Variants in CFAP43 observed in about 807,000 individuals in gnomAD.
The protein encoded by CFAP43 is cilia- and flagella-associated protein 43.
A neutral mutation model predicts 218.9 loss-of-function variants in CFAP43; 155 were observed. That is an observed-to-expected ratio of 0.71 (90% confidence interval 0.62 to 0.81). CFAP43 has a LOEUF of 0.81. Ranked by LOEUF, CFAP43 falls within the 30% of genes least tolerant of loss-of-function variation. The probability of loss-of-function intolerance (pLI) is 0.00; values close to 1 mark genes in which losing one functional copy is unlikely to be tolerated. For synonymous variants in CFAP43, 645 were observed against 681.3 expected, an observed-to-expected ratio of 0.95 and a Z score of 0.83; for missense variants, 1,778 against 1,954.3, an observed-to-expected ratio of 0.91 and a Z score of 1.70.
chr10:104,217,148 CCT>C (rs1211408674), intron 3 of CFAP43, among the ~76,000 whole-genome samples: 1 of 152,186 alleles, frequency 6.6e-6, no homozygotes, highest in Non-Finnish European at 1.5e-5. Flanking sequence ...TCCATTTCTC[CCT>C]CTGAGTAACA....
At position 104,206,013 on chromosome 10, in the gene CFAP43, T is replaced by C; in HGVS notation, c.913A>G (p.Ser305Gly). Residue 305 changes from serine to glycine, a missense_variant, in exon 7 of 38, where the codon AGT becomes GGT. By Grantham distance (56) the Ser-to-Gly change is moderately conservative (BLOSUM62 0). Transcript: ENST00000357060. ...ESPLDRRNFI[S>G]PVTLVYQKEG... ...TTCTGATATACCAAGGTTACTGGAC[T>C]GATAAAATTTCTTCTGTCTTCTGGA... 1 of 1,607,972 alleles carries C rather than the reference T, an allele frequency of 6.2e-7. No homozygotes were observed. Among genetic ancestry groups the C allele is most frequent in the Non-Finnish European group, 8.5e-7 (1 of 1,178,746 alleles).
chr10:104,146,189 C>T, intron 30 of CFAP43, 74 bp downstream of exon 30: 1 of 1,171,996 alleles, frequency 8.5e-7, no homozygotes, highest in Non-Finnish European at 1.3e-6. Context: ...ATATTATATC[C>T]CCTTTAACCT....
intron 23 of CFAP43, among the ~76,000 whole-genome samples, chr10:104,164,556 C>A (rs1443638950): frequency 5.3e-5 from 8 of 152,234 alleles, no homozygotes; most frequent in Non-Finnish European, 1.0e-4. Context: ...CGCTACCACG[C>A]CCGGCTAATT....
At chr10:104,173,488 A>G (rs1208511225) in intron 19 of CFAP43, among the ~76,000 whole-genome samples, 1 of 151,812 alleles carries the variant, frequency 6.6e-6, no homozygotes, top group Non-Finnish European at 1.5e-5. Flanking sequence ...GTGCTGCATC[A>G]GAAACAGACA....
intron 3 of CFAP43, among the ~76,000 whole-genome samples, chr10:104,216,918 C>T (rs561413174): frequency 6.6e-6 from 1 of 152,312 alleles, no homozygotes; most frequent in South Asian, 2.1e-4. Flanking sequence ...TAGTGTCCTT[C>T]CTCCTTTCAT....
chr10:104,148,005 A>T lies in CFAP43; in HGVS notation c.3661-7T>A. The stretch of plus-strand genomic sequence containing the variant: ...TACTTATTTTCAGTTCCTCCTGTAG[A>T]AATATTTAAGAAAAAGGTTGGTGGA... On this transcript the variant is annotated splice_polypyrimidine_tract_variant and splice_region_variant and intron_variant, in intron 28 of 37. Transcript: ENST00000357060. 1 of 1,549,244 alleles carries T rather than the reference A, an allele frequency of 6.5e-7. No individual in the cohort carries two copies. Among genetic ancestry groups the T allele is most frequent in the Non-Finnish European group, 8.7e-7 (1 of 1,143,906 alleles).
chr10:104,214,278 C>T lies in CFAP43; in HGVS notation c.565G>A (p.Glu189Lys), dbSNP rs1194012606. Reference protein sequence around the residue: ...SVWTIERSNQEHCFRARSVKL... With the variant: ...SVWTIERSNQKHCFRARSVKL... ...TCCTACCTTGCTCTGAAACAATGCT[C>T]CTGGTTACTTCTTTCAATGGTCCAC... The change falls in exon 4 of 38, where the codon GAG becomes AAG. Residue 189 changes from glutamate (E) to lysine (K), a missense_variant. Around this residue, in one of 3 missense-constraint regions of CFAP43, gnomAD observed 1,553 missense variants for 1,685.2 expected, o/e 0.92. Transcript: ENST00000357060. 6.3e-6 allele frequency: 10 copies of T among 1,594,872 alleles called. No homozygotes were observed. In the Admixed American group the frequency reaches 1.4e-4, roughly 23 times the overall value.
intron 19 of CFAP43, among the ~76,000 whole-genome samples, chr10:104,177,822 C>G (rs1208352977): frequency 6.6e-6 from 1 of 152,160 alleles, no homozygotes; most frequent in Non-Finnish European, 1.5e-5. Context: ...ACACTGGAAG[C>G]CAGGAGACAA....
chr10:104,192,593 C>T (rs2134915233), intron 11 of CFAP43: 1 of 321,846 alleles, frequency 3.1e-6, no homozygotes, highest in Non-Finnish European at 5.7e-6. Flanking sequence ...GTCGGTAGAG[C>T]TTTCTTGATG....
At chr10:104,186,341 CAACT>C (rs1261162297) in intron 14 of CFAP43, among the ~76,000 whole-genome samples, 5 of 152,166 alleles carry the variant, frequency 3.3e-5, no homozygotes, top group African/African-American at 1.2e-4. Flanking sequence ...TTGTTTCTGC[CAACT>C]AAGTAAAGTC....
chr10:104,193,922 T>C lies in CFAP43; in HGVS notation c.1386A>G (p.Glu462=), dbSNP rs1226828336. The C allele has an allele frequency of 1.2e-6, 2 of 1,613,936 alleles. No individual in the cohort carries two copies. The highest frequency in any genetic ancestry group is 3.3e-5 in the Admixed American group (2 of 59,990). ...AGGCCTTGTGCACGACCTGAGGGGA[T>C]TCCTTATCATATACGCTGATGAAGT... The part of the protein sequence containing the change: ...SVYFISVYDK[E]SPQVVHKAFL... Residue 462 remains glutamate, a synonymous_variant, in exon 11 of 38, where the codon GAA becomes GAG. Coordinates refer to ENST00000357060, the MANE Select transcript of CFAP43 (RefSeq NM_025145.7).
In CFAP43 at chr10:104,197,715, G is replaced by C. The variant is rs539536867; in HGVS notation, c.1212+207C>G. Among the ~76,000 whole-genome samples, 34 of 152,312 alleles carry C rather than the reference G, an allele frequency of 2.2e-4. No individual in the cohort carries two copies. The South Asian group carries it at 7.0e-3, about 32-fold the overall frequency. ...AGATGATATTATGAAGTCACAATAT[G>C]AGGGTATCATTCTAACCGGGGGGTA... is the stretch of plus-strand genomic sequence containing the variant. On this transcript the variant is annotated intron_variant, in intron 9 of 37. Transcript: ENST00000357060.
At chr10:104,157,966 G>A (rs1015245929) in intron 27 of CFAP43, among the ~76,000 whole-genome samples, 1 of 152,024 alleles carries the variant, frequency 6.6e-6, no homozygotes, top group African/African-American at 2.4e-5. Context: ...CGGAGAAAGT[G>A]CTCAAAAACT....
Position 104,203,792 on chromosome 10 carries a change from C to T in CFAP43, c.975G>A (p.Val325=). 6.2e-7 allele frequency: 1 copy of T among 1,603,544 alleles called. No individual in the cohort carries two copies. Among genetic ancestry groups the T allele is most frequent in the Non-Finnish European group, 8.5e-7 (1 of 1,176,306 alleles). Residue 325 remains valine, a synonymous_variant, in exon 8 of 38, where the codon GTG becomes GTA. Transcript: ENST00000357060. ...GVLASGIDGF[V]YSFIIKDRSY... ...TTCTATCTTTAATAATAAAAGAATA[C>T]ACAAAGCCATCCTAGAGATGAGTGA...
chr10:104,159,723 C>T lies in CFAP43; in HGVS notation c.3540+1314G>A, dbSNP rs114435137. On this transcript the variant is annotated intron_variant, in intron 27 of 37. Coordinates refer to ENST00000357060, the MANE Select transcript of CFAP43 (RefSeq NM_025145.7). ...AAATAAGGTGAGAGTGAGTTGAGGG[C>T]GTCAGGTGTTGAAAGTTTGGGAGAT... 1.3e-3 allele frequency among the ~76,000 whole-genome samples: 197 copies of T among 152,180 alleles called. 1 individual carries two copies. Among genetic ancestry groups the T allele is most frequent in the African/African-American group, 4.6e-3 (190 of 41,516 alleles).
chr10:104,224,335 G>C (rs893570529), intron 3 of CFAP43, among the ~76,000 whole-genome samples: 1 of 151,972 alleles, frequency 6.6e-6, no homozygotes, highest in South Asian at 2.1e-4. Context: ...GAGCCACAGC[G>C]CCTGGCCGAT....
chr10:104,199,153 G>A (rs998619158), intron 8 of CFAP43, among the ~76,000 whole-genome samples: 3 of 152,130 alleles, frequency 2.0e-5, no homozygotes, highest in African/African-American at 7.2e-5. Flanking sequence ...GTTGAGGTAT[G>A]GCTGAAGCTG....
chr10:104,147,374 A>C (rs1372553846), intron 29 of CFAP43, among the ~76,000 whole-genome samples: 1 of 152,064 alleles, frequency 6.6e-6, no homozygotes, highest in Non-Finnish European at 1.5e-5. Flanking sequence ...TAGAAACATT[A>C]TGTGATAAAC....
chr10:104,132,563 G>A (rs897702724), intron 35 of CFAP43: 33 of 798,458 alleles, frequency 4.1e-5, no homozygotes, highest in Admixed American at 3.8e-4. Flanking sequence ...TGTAGTGAGC[G>A]GATATCACAC....
Sources: gnomAD v4.1 joint callset for allele counts (sites outside exome capture counted in the v4.1 genomes callset) on GRCh38, gnomAD v4.1.1 for gene constraint, gnomAD v4.1.1 regional missense constraint, MANE v1.5 for transcripts, NCBI Gene and HGNC (gene_info 2026-07-23, HGNC 2026-07-21) for gene names.